Variants in BEND2 observed in about 807,000 individuals in gnomAD.
BEND2 encodes BEN domain-containing protein 2.
In BEND2, 19 loss-of-function variants were observed where a neutral mutation model predicts 43.8. The observed-to-expected ratio is 0.43, with a 90% CI of 0.30 to 0.64. The LOEUF is 0.64. Ranked by LOEUF, BEND2 falls within the 30% of genes least tolerant of loss-of-function variation. The probability of loss-of-function intolerance (pLI) is 0.11; values close to 1 mark genes in which losing one functional copy is unlikely to be tolerated. For missense variants in BEND2, 544 were observed against 574.0 expected (o/e 0.95, Z 0.53); for synonymous variants, 226 against 210.1 (o/e 1.08, Z -0.66).
chrX:18,210,481 G>A (rs752393526), intron 4 of BEND2, among the ~76,000 whole-genome samples: 71 of 111,948 alleles, frequency 6.3e-4, no homozygotes, highest in Non-Finnish European at 3.9e-4. Flanking sequence ...ACAACTACAG[G>A]AAAAGATATA....
chrX:18,176,639 A>G (rs1924169005), intron 10 of BEND2, among the ~76,000 whole-genome samples: 1 of 110,318 alleles, frequency 9.1e-6, no homozygotes, highest in African/African-American at 3.3e-5. Context: ...TGATCAAACC[A>G]CTGCACTCCA....
chrX:18,181,774 C>T (rs1444709185), intron 8 of BEND2, among the ~76,000 whole-genome samples: 1 of 111,148 alleles, frequency 9.0e-6, no homozygotes, highest in Admixed American at 9.5e-5. Context: ...CAAAAACAAA[C>T]AAATCAAGAT....
intron 1 of BEND2, among the ~76,000 whole-genome samples, 178 bp downstream of exon 1, chrX:18,220,548 G>A (rs1011093456): frequency 5.4e-5 from 6 of 112,089 alleles, no homozygotes; most frequent in Middle Eastern, 4.6e-3. Context: ...ATTTCCCACC[G>A]GCGCGCTGAG....
chrX:18,219,762 C>T (rs1034907972), intron 1 of BEND2, among the ~76,000 whole-genome samples: 6 of 111,122 alleles, frequency 5.4e-5, no homozygotes, highest in Admixed American at 2.9e-4. Context: ...AAAAATTAGC[C>T]GGGCGTGGTG....
At chrX:18,182,444 T>C (rs1924415654) in intron 8 of BEND2, among the ~76,000 whole-genome samples, 1 of 111,138 alleles carries the variant, frequency 9.0e-6, no homozygotes, top group African/African-American at 3.3e-5. Flanking sequence ...TATAGCAGTA[T>C]GAAAATGGAC....
Position 18,164,792 on chromosome X carries a change from A to G in BEND2, c.*217T>C. 3 of 396,068 alleles carry G rather than the reference A, an allele frequency of 7.6e-6. No homozygotes were observed. The highest frequency in any genetic ancestry group is 8.6e-6 in the Non-Finnish European group (2 of 233,774). The allele number at this position is 396,068 out of a possible 1,213,427, so 32.6% of individuals were successfully genotyped here. A position where few individuals can be genotyped will look rare whatever the true frequency, so the allele number is the denominator to read the frequency against. On this transcript the variant is annotated 3_prime_UTR_variant, in exon 14 of 14. Transcript: ENST00000380033. The stretch of plus-strand genomic sequence containing the variant: ...TGAGGAGTTTACTACCATTCCCTCA[A>G]TCAGAGGTTGTCATCAAATCCACAG...
In BEND2 at chrX:18,171,044, A is replaced by G. The variant is rs768464673; in HGVS notation, c.2142T>C (p.His714=). The G allele has an allele frequency of 1.7e-6, 2 of 1,211,694 alleles. No individual in the cohort carries two copies. The highest frequency in any genetic ancestry group is 1.8e-5 in the South Asian group (1 of 57,035). ...TATTGGGGTCAAGGGCACACAGGCC[A>G]TGCTTCAGATTGCCATAGACGTTAC... is the stretch of plus-strand genomic sequence containing the variant. ...VQSNVYGNLK[H]GLCALDPNKI... Residue 714 remains histidine, a synonymous_variant, in exon 13 of 14, where the codon CAT becomes CAC. Coordinates refer to ENST00000380033, the MANE Select transcript of BEND2 (RefSeq NM_153346.5).
At chrX:18,210,888 A>G (rs1299328102) in intron 4 of BEND2, among the ~76,000 whole-genome samples, 15 of 112,140 alleles carry the variant, frequency 1.3e-4, no homozygotes, top group Admixed American at 1.0e-3. Flanking sequence ...CCAAGGAGTT[A>G]CCTACTTCTT....
Position 18,174,027 on chromosome X carries a change from C to T in BEND2, c.1981+3G>A. On this transcript the variant is annotated splice_donor_region_variant and intron_variant, in intron 12 of 13. Coordinates refer to ENST00000380033, the MANE Select transcript of BEND2 (RefSeq NM_153346.5). ...TTAAATATAAGTTTTTAAAAAAACT[C>T]ACTCCATGCTTCACCAGGTTCCTCT... 1.7e-6 allele frequency: 2 copies of T among 1,193,857 alleles called. No homozygotes were observed. The highest frequency in any genetic ancestry group is 2.3e-6 in the Non-Finnish European group (2 of 884,809).
chrX:18,167,278 CA>C (rs2147386093), intron 13 of BEND2, among the ~76,000 whole-genome samples: 1 of 101,095 alleles, frequency 9.9e-6, no homozygotes, highest in African/African-American at 3.7e-5. Context: ...GACCCTGTCT[CA>C]AAGAAAAAAA....
chrX:18,193,678 A>G (rs1398792780), intron 7 of BEND2, among the ~76,000 whole-genome samples: 3 of 111,901 alleles, frequency 2.7e-5, no homozygotes, highest in Non-Finnish European at 5.6e-5. Flanking sequence ...GTTTAAAAAA[A>G]CCTACCACTA....
At chrX:18,198,397 T>C (rs1925029574) in intron 6 of BEND2, among the ~76,000 whole-genome samples, 1 of 111,181 alleles carries the variant, frequency 9.0e-6, no homozygotes, top group Admixed American at 9.6e-5. Context: ...GCAAAGGATA[T>C]GAACAGACAC....
intron 8 of BEND2, among the ~76,000 whole-genome samples, chrX:18,182,843 A>G (rs1924433470): frequency 9.1e-6 from 1 of 110,224 alleles, no homozygotes; most frequent in South Asian, 3.9e-4. Context: ...GGAGTTAGAG[A>G]CCAGCCTGGC....
intron 13 of BEND2, among the ~76,000 whole-genome samples, chrX:18,168,787 C>A (rs1421536026): frequency 1.8e-5 from 2 of 111,634 alleles, no homozygotes; most frequent in Non-Finnish European, 3.8e-5. Context: ...TTTTCAGAAG[C>A]TTTTCCCTCA....
chrX:18,207,977 C>A (rs1347550580), intron 4 of BEND2, among the ~76,000 whole-genome samples: 4 of 108,984 alleles, frequency 3.7e-5, no homozygotes, highest in African/African-American at 1.3e-4. Flanking sequence ...TGAGATCACA[C>A]CACTGCACTC....
In BEND2 at chrX:18,213,812, G is replaced by A. The variant is rs193219927; in HGVS notation, c.338C>T (p.Pro113Leu). The change falls in exon 3 of 14, where the codon CCC becomes CTC. Residue 113 changes from proline (P) to leucine (L), a missense_variant. Coordinates refer to ENST00000380033, the MANE Select transcript of BEND2 (RefSeq NM_153346.5). ...GLKQFFHLSLPSSWDDRRTPP... is the reference protein window; with the variant it reads ...GLKQFFHLSLLSSWDDRRTPP... ...CGTGCGCCTGTCATCCCAGCTACTGGGAAGGCTGAGGTGGAAGAATTGCTT... is the reference window on the plus strand; with the variant it reads ...CGTGCGCCTGTCATCCCAGCTACTGAGAAGGCTGAGGTGGAAGAATTGCTT... 40 of 167,736 alleles carry A rather than the reference G, an allele frequency of 2.4e-4. No homozygotes were observed. In the East Asian group the frequency reaches 7.5e-3, roughly 31 times the overall value. 13.8% of individuals were successfully genotyped at this position (167,736 alleles called of 1,213,427 possible).
At chrX:18,218,920 AG>A (rs1320500970) in intron 1 of BEND2, among the ~76,000 whole-genome samples, 4 of 112,294 alleles carry the variant, frequency 3.6e-5, no homozygotes, top group Non-Finnish European at 5.6e-5. Flanking sequence ...TATACTACCA[AG>A]GCGCAAGGCT....
intron 8 of BEND2, among the ~76,000 whole-genome samples, chrX:18,189,566 T>C (rs1924688439): frequency 9.0e-6 from 1 of 111,157 alleles, no homozygotes; most frequent in Non-Finnish European, 1.9e-5. Context: ...TGGTTCAACA[T>C]ACACAAATTA....
At chrX:18,212,420 G>T in intron 4 of BEND2, 145 bp downstream of exon 4, 1 of 426,953 alleles carries the variant, frequency 2.3e-6, no homozygotes, top group Non-Finnish European at 4.0e-6. Flanking sequence ...TATCTTCATG[G>T]GGTGTAAGTA....
Sources: allele counts gnomAD v4.1 joint callset (sites outside exome capture counted in the v4.1 genomes callset), GRCh38; gene constraint gnomAD v4.1.1; transcripts MANE v1.5; gene names NCBI Gene and HGNC (gene_info 2026-07-23, HGNC 2026-07-21).